Variants in DLGAP2 observed in about 807,000 individuals in gnomAD.
The protein encoded by DLGAP2 is DLG associated protein 2.
Under a neutral mutation model 100.3 loss-of-function variants are expected in DLGAP2, and 26 were observed. The observed-to-expected ratio is 0.26, with a 90% CI of 0.19 to 0.36. The LOEUF is 0.36. Among genes scored for constraint, DLGAP2 ranks in the 10% least tolerant of loss-of-function variants. DLGAP2 has a pLI of 1.00. For missense variants in DLGAP2, 1,858 were observed against 1,453.2 expected, an observed-to-expected ratio of 1.28 and a Z score of -4.53; for synonymous variants, 886 against 630.1, an observed-to-expected ratio of 1.41 and a Z score of -6.08.
chr8:1,448,748 C>T (rs907687218), intron 3 of DLGAP2, among the ~76,000 whole-genome samples: 1 of 152,204 alleles, frequency 6.6e-6, no homozygotes, highest in African/African-American at 2.4e-5. Flanking sequence ...GGAGACCCAA[C>T]ATTTTTGTTC....
At chr8:1,109,003 G>C (rs28627265) in intron 2 of DLGAP2, among the ~76,000 whole-genome samples, 1 of 142,836 alleles carries the variant, frequency 7.0e-6, no homozygotes, top group African/African-American at 2.6e-5. Context: ...TGCCTATGAA[G>C]TGTGCTGGGT....
chr8:826,916 A>G (rs778874841), intron 1 of DLGAP2, among the ~76,000 whole-genome samples: 2 of 152,214 alleles, frequency 1.3e-5, no homozygotes, highest in Admixed American at 6.5e-5. Context: ...TTGTAGAAAC[A>G]TCCAGTCTTT....
chr8:892,573 T>G (rs1462378078), intron 1 of DLGAP2, among the ~76,000 whole-genome samples: 2 of 151,956 alleles, frequency 1.3e-5, no homozygotes, highest in African/African-American at 2.4e-5. Context: ...CACAGCTAGA[T>G]GGAGAAAGCA....
chr8:1,517,366 G>A (rs555076847), intron 4 of DLGAP2, among the ~76,000 whole-genome samples: 5 of 152,048 alleles, frequency 3.3e-5, no homozygotes, highest in Non-Finnish European at 7.4e-5. Flanking sequence ...CAGAGAGCAC[G>A]CCATGAGGGA....
Position 1,470,438 on chromosome 8 carries a change from T to C in DLGAP2, c.107-30928T>C, listed in dbSNP as rs118016330. ...GCAGTGGCATGGCAGCTGATAGATA[T>C]GTTTAATATCATCCCTGCTGAAATC... On this transcript the variant is annotated intron_variant, in intron 3 of 14. Transcript: ENST00000637795. Among the ~76,000 whole-genome samples the C allele has an allele frequency of 5.8e-3, 887 of 152,252 alleles. 6 individuals are homozygous for C. Among genetic ancestry groups the C allele is most frequent in the Non-Finnish European group, 9.1e-3 (616 of 68,004 alleles).
chr8:1,671,666 G>A (rs1431048740), intron 10 of DLGAP2, among the ~76,000 whole-genome samples: 1 of 152,214 alleles, frequency 6.6e-6, no homozygotes, highest in Non-Finnish European at 1.5e-5. Context: ...AATGAGTGAG[G>A]GTCCTCAGCT....
intron 1 of DLGAP2, among the ~76,000 whole-genome samples, chr8:874,132 A>G (rs992327089): frequency 2.0e-5 from 3 of 151,992 alleles, no homozygotes; most frequent in Non-Finnish European, 2.9e-5. Flanking sequence ...AAGTTTGTCA[A>G]TTTTGTTGAT....
chr8:1,005,142 C>G (rs1278314379), intron 2 of DLGAP2, among the ~76,000 whole-genome samples: 1 of 152,184 alleles, frequency 6.6e-6, no homozygotes, highest in Non-Finnish European at 1.5e-5. Context: ...ACTGGTGCAT[C>G]TATGTGGAGT....
intron 1 of DLGAP2, among the ~76,000 whole-genome samples, chr8:822,765 G>A (rs1796607576): frequency 6.6e-6 from 1 of 152,182 alleles, no homozygotes; most frequent in East Asian, 1.9e-4. Context: ...GGCGTGGTGA[G>A]ATGGGACACA....
intron 6 of DLGAP2, among the ~76,000 whole-genome samples, chr8:1,607,709 G>A (rs9720569): frequency 7.9e-5 from 12 of 152,002 alleles, no homozygotes; most frequent in African/African-American, 1.4e-4. Flanking sequence ...GAAGCAGGGC[G>A]AGGCATTGCC....
intron 2 of DLGAP2, among the ~76,000 whole-genome samples, chr8:1,055,827 G>T (rs1422343408): frequency 6.6e-6 from 1 of 152,214 alleles, no homozygotes; most frequent in Non-Finnish European, 1.5e-5. Flanking sequence ...GCTCATTTGG[G>T]CTTGAATCCT....
intron 1 of DLGAP2, among the ~76,000 whole-genome samples, chr8:771,167 C>T (rs1395240521): frequency 6.6e-6 from 1 of 152,144 alleles, no homozygotes; most frequent in Non-Finnish European, 1.5e-5. Flanking sequence ...GCTAACATTT[C>T]CATAAACTCT....
At chr8:1,355,030 T>C (rs111414965) in intron 3 of DLGAP2, among the ~76,000 whole-genome samples, 23 of 127,288 alleles carry the variant, frequency 1.8e-4, no homozygotes, top group African/African-American at 3.3e-4. Flanking sequence ...GATGATGCTG[T>C]GGATGAGGGT....
intron 1 of DLGAP2, among the ~76,000 whole-genome samples, chr8:811,470 C>T (rs1796368894): frequency 6.8e-6 from 1 of 147,262 alleles, no homozygotes; most frequent in Non-Finnish European, 1.5e-5. Context: ...TGAGCAGGAA[C>T]TATCTGGGGG....
At chr8:1,010,117 C>T (rs1290928855) in intron 2 of DLGAP2, among the ~76,000 whole-genome samples, 1 of 152,230 alleles carries the variant, frequency 6.6e-6, no homozygotes, top group Non-Finnish European at 1.5e-5. Flanking sequence ...TTTAAAATAT[C>T]TTAATTAATC....
intron 3 of DLGAP2, among the ~76,000 whole-genome samples, chr8:1,307,547 C>T (rs900549801): frequency 6.6e-6 from 1 of 152,132 alleles, no homozygotes; most frequent in Admixed American, 6.6e-5. Flanking sequence ...GGAAGCAGGG[C>T]TCAGATAATT....
intron 1 of DLGAP2, among the ~76,000 whole-genome samples, chr8:869,046 CCA>C (rs1317638222): frequency 6.6e-6 from 1 of 152,234 alleles, no homozygotes; most frequent in Non-Finnish European, 1.5e-5. Context: ...GTCCTGAGTA[CCA>C]AGTCAGAAAG....
In DLGAP2 at chr8:1,477,733, G is replaced by A. The variant is rs142613913; in HGVS notation, c.107-23633G>A. ...ATGTTTAAACATATGGATTATTATC[G>A]GTTCATAGACTCAGAGCCCACAAGA... On this transcript the variant is annotated intron_variant, in intron 3 of 14. Coordinates refer to ENST00000637795, the MANE Select transcript of DLGAP2 (RefSeq NM_001346810.2). Among the ~76,000 whole-genome samples the A allele has an allele frequency of 1.8e-3, 271 of 151,918 alleles. 1 individual carries two copies. The highest frequency in any genetic ancestry group is 6.2e-3 in the African/African-American group (256 of 41,384).
At chr8:1,654,515 G>C (rs1436060270) in intron 8 of DLGAP2, among the ~76,000 whole-genome samples, 1 of 152,136 alleles carries the variant, frequency 6.6e-6, no homozygotes, top group South Asian at 2.1e-4. Context: ...TACAAAATTA[G>C]CCAGGCATGG....
Sources: allele counts gnomAD v4.1 joint callset (sites outside exome capture counted in the v4.1 genomes callset), GRCh38; gene constraint gnomAD v4.1.1; transcripts MANE v1.5; gene names NCBI Gene and HGNC (gene_info 2026-07-23, HGNC 2026-07-21).